RELB: variants seen among roughly 807,000 people sequenced by gnomAD.
RELB encodes the protein transcription factor RelB.
A neutral mutation model predicts 55.4 loss-of-function variants in RELB; 14 were observed. The observed-to-expected ratio is 0.25, with a 90% CI of 0.17 to 0.40. The LOEUF is 0.40. RELB is among the 10% of genes least tolerant of loss of function. The pLI, the probability that RELB is intolerant of heterozygous loss-of-function variation, is 1.00. For synonymous variants in RELB, 409 were observed against 371.3 expected, an observed-to-expected ratio of 1.10 and a Z score of -1.17; for missense variants, 669 against 830.7, an observed-to-expected ratio of 0.81 and a Z score of 2.39.
chr19:45,031,432 T>C (rs1487924758), intron 8 of RELB, among the ~76,000 whole-genome samples: 1 of 152,130 alleles, frequency 6.6e-6, no homozygotes, highest in Non-Finnish European at 1.5e-5. Context: ...GACAGGCACC[T>C]TTTTTCTCTG....
intron 4 of RELB, among the ~76,000 whole-genome samples, chr19:45,014,747 G>A (rs886715795): frequency 2.6e-5 from 4 of 151,762 alleles, no homozygotes; most frequent in Non-Finnish European, 4.4e-5. Flanking sequence ...TTGAACTTCT[G>A]ACCCCAAGTG....
Position 45,023,565 on chromosome 19 carries a change from G to A in RELB, c.662+1355G>A, listed in dbSNP as rs1160559110. 2.6e-5 allele frequency among the ~76,000 whole-genome samples: 4 copies of A among 151,382 alleles called. No homozygotes were observed. The East Asian group carries it at 7.8e-4, about 29-fold the overall frequency. ...TGATTCTCCTGCCTCAGCCTCGCAA[G>A]TAGCTGGGACTGCAGGCGCCCACCA... On this transcript the variant is annotated intron_variant, in intron 5 of 11. Transcript: ENST00000221452.
rs112057859 is a variant in RELB at position 45,027,466 on chromosome 19, C to T, written c.887-1422C>T. Among the ~76,000 whole-genome samples, 1,444 of 152,182 alleles carry T rather than the reference C, an allele frequency of 9.5e-3. 35 individuals carry two copies. Among genetic ancestry groups the T allele is most frequent in the African/African-American group, 0.032 (1,344 of 41,524 alleles). ...ATCCTACCTGCCTGGCACCTCTCCC[C>T]GACTCCCAAAGCTGCTTTTAGCTTC... is the stretch of plus-strand genomic sequence containing the variant. On this transcript the variant is annotated intron_variant, in intron 7 of 11. Transcript: ENST00000221452.
chr19:45,036,692 T>G (rs962832898), intron 11 of RELB, among the ~76,000 whole-genome samples: 11 of 151,968 alleles, frequency 7.2e-5, no homozygotes, highest in Admixed American at 6.6e-5. Context: ...TATTATTAAT[T>G]ATTTTTAGAG....
At chr19:45,007,805 C>T (rs1424409856) in intron 2 of RELB, among the ~76,000 whole-genome samples, 2 of 128,936 alleles carry the variant, frequency 1.6e-5, no homozygotes, top group African/African-American at 5.1e-5. Context: ...TTGCAGTGAG[C>T]CAAGAATGCA....
intron 6 of RELB, 51 bp from the exon 7 acceptor site, chr19:45,025,555 A>C (rs1460432388): frequency 2.5e-6 from 4 of 1,607,980 alleles, no homozygotes; most frequent in Non-Finnish European, 3.4e-6. Context: ...CCTGTACCCC[A>C]GAGAGGGTCT....
chr19:45,021,601 G>A (rs1456075988), intron 4 of RELB, among the ~76,000 whole-genome samples: 5 of 78,430 alleles, frequency 6.4e-5, no homozygotes, highest in East Asian at 4.0e-4. Flanking sequence ...TTTTGAGACC[G>A]TCATATTCTG....
intron 8 of RELB, among the ~76,000 whole-genome samples, chr19:45,030,315 A>G (rs1971605692): frequency 6.6e-6 from 1 of 152,008 alleles, no homozygotes; most frequent in Admixed American, 6.6e-5. Flanking sequence ...TCTACAAAAA[A>G]AAGTTCTTTT....
intron 3 of RELB, 67 bp downstream of exon 3, chr19:45,009,889 G>T (rs1194199691): frequency 3.7e-6 from 2 of 541,474 alleles, no homozygotes; most frequent in African/African-American, 3.2e-5. Context: ...GGGGGTCTTG[G>T]CCTTCCTTGT....
At chr19:45,004,616 C>G (rs1030277765) in intron 2 of RELB, among the ~76,000 whole-genome samples, 2 of 151,784 alleles carry the variant, frequency 1.3e-5, no homozygotes, top group Admixed American at 1.3e-4. Context: ...GCCTGTAATC[C>G]CGGCACTTTG....
chr19:45,024,287 G>C (rs928290384), intron 5 of RELB, among the ~76,000 whole-genome samples: 1 of 151,678 alleles, frequency 6.6e-6, no homozygotes, highest in Non-Finnish European at 1.5e-5. Context: ...TCAGCCTCCC[G>C]AGTAGCTGGG....
Position 45,037,745 on chromosome 19 carries a change from G to A in RELB, c.1695G>A (p.Ala565=), listed in dbSNP as rs1374316141. 4 of 1,488,042 alleles carry A rather than the reference G, an allele frequency of 2.7e-6. No homozygotes were observed. Among genetic ancestry groups the A allele is most frequent in the Non-Finnish European group, 3.6e-6 (4 of 1,121,734 alleles). 92.2% of individuals were successfully genotyped at this position (1,488,042 alleles called of 1,614,324 possible). A position where few individuals can be genotyped will look rare whatever the true frequency, so the allele number is the denominator to read the frequency against. ...TGTTCCCCAATCATTACCGCGAGGC[G>A]GCCTTTGGGGGCGGCCTCCTATCCC... ...SNMFPNHYRE[A]AFGGGLLSPG... is the part of the protein sequence containing the mutation. Residue 565 remains alanine, a synonymous_variant, in exon 12 of 12, where the codon GCG becomes GCA. Transcript: ENST00000221452.
chr19:45,033,693 C>T (rs1377781465), intron 9 of RELB, among the ~76,000 whole-genome samples: 1 of 150,018 alleles, frequency 6.7e-6, no homozygotes, highest in Non-Finnish European at 1.5e-5. Flanking sequence ...CAGGCACCCG[C>T]CACCATGCCC....
At chr19:45,032,507 T>C in intron 8 of RELB, 27 bp from the exon 9 acceptor site, 3 of 1,579,504 alleles carry the variant, frequency 1.9e-6, no homozygotes, top group Non-Finnish European at 2.6e-6. Flanking sequence ...TGTCCTGGCT[T>C]AGCTGATGTC....
At position 45,011,255 on chromosome 19, in the gene RELB, C is replaced by T. The variant is rs150237614; in HGVS notation, c.164-681C>T. 1.3e-3 allele frequency among the ~76,000 whole-genome samples: 203 copies of T among 152,172 alleles called. 1 individual carries two copies. Among genetic ancestry groups the T allele is most frequent in the Non-Finnish European group, 2.3e-3 (155 of 68,008 alleles). Reference sequence around the variant, plus strand: ...TCGGCTCACTGCAACCTCCGCCTGACGGTTTCAAGCGATTCTCCTGCCTCA... The same window carrying T: ...TCGGCTCACTGCAACCTCCGCCTGATGGTTTCAAGCGATTCTCCTGCCTCA... On this transcript the variant is annotated intron_variant, in intron 3 of 11. Coordinates refer to ENST00000221452, the MANE Select transcript of RELB (RefSeq NM_006509.4).
intron 2 of RELB, among the ~76,000 whole-genome samples, chr19:45,004,664 T>G (rs1275175946): frequency 2.0e-5 from 3 of 149,296 alleles, no homozygotes; most frequent in Non-Finnish European, 3.0e-5. Context: ...GGTCGGGAGT[T>G]CTAGACCAGG....
intron 2 of RELB, among the ~76,000 whole-genome samples, chr19:45,007,782 C>G (rs560459615): frequency 6.6e-6 from 1 of 151,344 alleles, no homozygotes; most frequent in East Asian, 1.9e-4. Context: ...CGCTAGAACC[C>G]GGGAGGCAGA....
chr19:45,030,309 CA>C (rs956216700), intron 8 of RELB, among the ~76,000 whole-genome samples: 5 of 151,648 alleles, frequency 3.3e-5, no homozygotes, highest in Non-Finnish European at 7.4e-5. Flanking sequence ...CCCATCTCTA[CA>C]AAAAAAAGTT....
At chr19:45,018,823 T>C (rs1241572393) in intron 4 of RELB, among the ~76,000 whole-genome samples, 1 of 151,538 alleles carries the variant, frequency 6.6e-6, no homozygotes, top group Non-Finnish European at 1.5e-5. Flanking sequence ...ATTACAGACA[T>C]GTGCCACCAC....
Sources: allele counts gnomAD v4.1 joint callset (sites outside exome capture counted in the v4.1 genomes callset), GRCh38; gene constraint gnomAD v4.1.1; transcripts MANE v1.5; gene names NCBI Gene and HGNC (gene_info 2026-07-23, HGNC 2026-07-21).